Variants in USP2 observed in about 807,000 individuals in gnomAD.
USP2 encodes ubiquitin specific peptidase 2, also known as ubiquitin carboxyl-terminal hydrolase 2.
USP2 carries 33 observed loss-of-function variants against 72.0 expected under a neutral mutation model. The ratio of observed to expected loss-of-function variants is 0.46; its 90% CI spans 0.35 to 0.61. The LOEUF is 0.61. Among genes scored for constraint, USP2 ranks in the 20% least tolerant of loss-of-function variants. USP2 has a pLI of 0.01. For synonymous variants in USP2, 296 were observed against 312.5 expected (o/e 0.95, Z 0.56); for missense variants, 691 against 797.8 (o/e 0.87, Z 1.61).
At chr11:119,379,103 G>A in intron 1 of USP2, 1 of 985,510 alleles carries the variant, frequency 1.0e-6, no homozygotes, top group Non-Finnish European at 1.2e-6. Context: ...CCTGACTCTG[G>A]GCTGGGTAAT....
In USP2 at chr11:119,372,758, C is replaced by G; in HGVS notation, c.723G>C (p.Lys241Asn). Reference sequence around the variant, plus strand: ...AGCGGCTGGGCCCAGGGGCCTGACCCTTTCCCGTCTCCCACAGCGTGTAGC... The same window carrying G: ...AGCGGCTGGGCCCAGGGGCCTGACCGTTTCCCGTCTCCCACAGCGTGTAGC... ...IGRYTLWETGKGQAPGPSRSS... is the reference protein window; with the variant it reads ...IGRYTLWETGNGQAPGPSRSS... Residue 241 changes from lysine to asparagine, a missense_variant, in exon 2 of 13, where the codon AAG (lysine) becomes AAC (asparagine). Lys to Asn is a moderately conservative substitution (Grantham distance 94). Coordinates refer to ENST00000260187, the MANE Select transcript of USP2 (RefSeq NM_004205.5). 3.2e-6 allele frequency: 5 copies of G among 1,556,038 alleles called. No homozygotes were observed. In the South Asian group the frequency reaches 6.3e-5, roughly 20 times the overall value.
At chr11:119,367,762 G>A (rs1430416745) in intron 2 of USP2, among the ~76,000 whole-genome samples, 1 of 152,206 alleles carries the variant, frequency 6.6e-6, no homozygotes, top group Non-Finnish European at 1.5e-5. Flanking sequence ...CGTCTGGGGC[G>A]CTAGTTTTAT....
Position 119,356,592 on chromosome 11 carries a change from G to A in USP2, c.*243C>T, listed in dbSNP as rs780315920. On this transcript the variant is annotated 3_prime_UTR_variant, in exon 13 of 13. Coordinates refer to ENST00000260187, the MANE Select transcript of USP2 (RefSeq NM_004205.5). ...CCACAAGTTTACAAATGCAAACGCC[G>A]AGGGCACGGGGCGATGCTGGCTCCA... 14 of 517,334 alleles carry A rather than the reference G, an allele frequency of 2.7e-5. No homozygotes were observed. The highest frequency in any genetic ancestry group is 4.1e-5 in the Non-Finnish European group (12 of 295,056). The allele number at this position is 517,334 out of a possible 1,614,324, so 32.0% of individuals were successfully genotyped here. A position where few individuals can be genotyped will look rare whatever the true frequency, so the allele number is the denominator to read the frequency against.
chr11:119,360,921 T>A (rs1444529882), intron 2 of USP2, among the ~76,000 whole-genome samples: 1 of 152,242 alleles, frequency 6.6e-6, no homozygotes, highest in African/African-American at 2.4e-5. Flanking sequence ...CCAGGTGCTA[T>A]CTCAAATGAC....
intron 8 of USP2, 42 bp from the exon 9 acceptor site, chr11:119,358,103 A>G (rs1418721298): frequency 6.8e-6 from 11 of 1,614,052 alleles, no homozygotes; most frequent in Non-Finnish European, 9.3e-6. Context: ...TCAACATGAA[A>G]GGACAGGAGA....
In USP2 at chr11:119,355,807, G is replaced by A. The variant is rs1325096071; in HGVS notation, c.*1028C>T. On this transcript the variant is annotated 3_prime_UTR_variant, in exon 13 of 13. Coordinates refer to ENST00000260187, the MANE Select transcript of USP2 (RefSeq NM_004205.5). ...GGAGCAGACCAGGGGTGGGCTAGAG[G>A]ACGTGGGCGGGAAGAACTTGATGCC... 1 of 152,218 alleles carries A rather than the reference G, an allele frequency of 6.6e-6. No homozygotes were observed. Among genetic ancestry groups the A allele is most frequent in the Non-Finnish European group, 1.5e-5 (1 of 68,106 alleles). 9.4% of individuals were successfully genotyped at this position (152,218 alleles called of 1,614,324 possible). A position where few individuals can be genotyped will look rare whatever the true frequency, so the allele number is the denominator to read the frequency against.
At chr11:119,357,408 C>T (rs980170833) in intron 11 of USP2, 75 bp downstream of exon 11, 1 of 1,608,846 alleles carries the variant, frequency 6.2e-7, no homozygotes, top group African/African-American at 1.3e-5. Context: ...GCTGGCAGCT[C>T]CCCTTCCTCC....
intron 12 of USP2, 45 bp from the exon 13 acceptor site, chr11:119,356,967 A>T (rs1425468982): frequency 3.2e-6 from 5 of 1,542,558 alleles, no homozygotes; most frequent in Non-Finnish European, 4.4e-6. Context: ...CAGGACCGGG[A>T]GACCCCCCGC....
chr11:119,369,090 G>C (rs1057162116), intron 2 of USP2, among the ~76,000 whole-genome samples: 1 of 152,184 alleles, frequency 6.6e-6, no homozygotes, highest in African/African-American at 2.4e-5. Flanking sequence ...AGCTGGCTTG[G>C]AGTCCCCACT....
At chr11:119,363,791 G>A (rs1056509803) in intron 2 of USP2, 4 of 1,312,516 alleles carry the variant, frequency 3.0e-6, no homozygotes, top group African/African-American at 1.6e-5. Context: ...GCAGAGGCCA[G>A]GGAGAAGGCG....
At position 119,358,146 on chromosome 11, in the gene USP2, T is replaced by C. The variant is rs1490728233; in HGVS notation, c.1341+3A>G. On this transcript the variant is annotated splice_donor_region_variant and intron_variant, in intron 8 of 12. Coordinates refer to ENST00000260187, the MANE Select transcript of USP2 (RefSeq NM_004205.5). ...CAACAAGGCGGGCAACTGGGGTGCA[T>C]ACCTTAGCAATGGGCAGTGAGAGGT... 10 of 1,614,038 alleles carry C rather than the reference T, an allele frequency of 6.2e-6. No homozygotes were observed. Among genetic ancestry groups the C allele is most frequent in the East Asian group, 2.2e-5 (1 of 44,880 alleles).
chr11:119,381,348 G>A (rs1951056156), intron 1 of USP2, 125 bp downstream of exon 1: 1 of 1,076,028 alleles, frequency 9.3e-7, no homozygotes, highest in Non-Finnish European at 1.3e-6. Context: ...CTGCACAGCC[G>A]GCTCTCTCCC....
chr11:119,376,322 G>A, intron 1 of USP2: 1 of 985,628 alleles, frequency 1.0e-6, no homozygotes, highest in Non-Finnish European at 1.2e-6. Context: ...GGACAGGACG[G>A]GCACTCACGT....
Position 119,373,408 on chromosome 11 carries a change from A to C in USP2, c.73T>G (p.Ser25Ala), listed in dbSNP as rs753310037. 6.2e-7 allele frequency: 1 copy of C among 1,606,606 alleles called. No individual in the cohort carries two copies. Among genetic ancestry groups the C allele is most frequent in the South Asian group, 1.1e-5 (1 of 91,076 alleles). Residue 25 changes from serine to alanine, a missense_variant, in exon 2 of 13, where the codon TCG (serine) becomes GCG (alanine). Coordinates refer to ENST00000260187, the MANE Select transcript of USP2 (RefSeq NM_004205.5). ...GACGGGGTGTAGGCACCATAGCCCG[A>C]CTTGGCATAGTGGGCATCTGTGTAG... is the stretch of plus-strand genomic sequence containing the variant. ...ARYTDAHYAK[S>A]GYGAYTPSSY...
Position 119,358,775 on chromosome 11 carries a change from C to A in USP2, c.1235G>T (p.Gly412Val). 1 of 1,614,144 alleles carries A rather than the reference C, an allele frequency of 6.2e-7. No individual in the cohort carries two copies. Among genetic ancestry groups the A allele is most frequent in the Non-Finnish European group, 8.5e-7 (1 of 1,180,038 alleles). ...KYLEREDSRI[G>V]DLFVGQLKSS... is the part of the protein sequence containing the mutation. ...CATCTTCCCTTTCATGCGCTTACCC[C>A]CGATCCTACTGTCTTCCCGTTCTAG... is the stretch of plus-strand genomic sequence containing the variant. Residue 412 changes from glycine to valine, a missense_variant and splice_region_variant, in exon 7 of 13, where the codon GGG becomes GTG. Gly to Val is a moderately radical substitution (Grantham distance 109). Coordinates refer to ENST00000260187, the MANE Select transcript of USP2 (RefSeq NM_004205.5).
chr11:119,370,672 C>T (rs951900992), intron 2 of USP2, among the ~76,000 whole-genome samples: 2 of 152,222 alleles, frequency 1.3e-5, no homozygotes, highest in African/African-American at 4.8e-5. Flanking sequence ...GGAGAGGCCT[C>T]TGCTGGTTGG....
chr11:119,364,762 C>T (rs1176309561), intron 2 of USP2, among the ~76,000 whole-genome samples: 2 of 152,202 alleles, frequency 1.3e-5, no homozygotes, highest in African/African-American at 4.8e-5. Context: ...AGGGGCTGAG[C>T]TGCCCTCCTC....
chr11:119,362,954 G>A (rs1441141379), intron 2 of USP2, among the ~76,000 whole-genome samples: 1 of 152,220 alleles, frequency 6.6e-6, no homozygotes, highest in African/African-American at 2.4e-5. Flanking sequence ...GAGAGGAGCG[G>A]GGGCTCAGGA....
intron 1 of USP2, among the ~76,000 whole-genome samples, chr11:119,379,916 TC>T (rs2135414532): frequency 1.4e-5 from 1 of 70,304 alleles, no homozygotes; most frequent in Non-Finnish European, 2.6e-5. Flanking sequence ...TGTTCCTTTC[TC>T]TTTTTTTTTT....
Sources: gnomAD v4.1 joint callset for allele counts (sites outside exome capture counted in the v4.1 genomes callset) on GRCh38, gnomAD v4.1.1 for gene constraint, MANE v1.5 for transcripts, NCBI Gene and HGNC (gene_info 2026-07-23, HGNC 2026-07-21) for gene names.